The following CADPS2 variants were observed in gnomAD, a reference collection of about 807,000 sequenced individuals.
CADPS2 encodes calcium dependent secretion activator 2.
In CADPS2, 93 loss-of-function variants were observed where a neutral mutation model predicts 172.5. The ratio of observed to expected loss-of-function variants is 0.54; its 90% CI spans 0.46 to 0.64. The LOEUF is 0.64. CADPS2 is among the 30% of genes least tolerant of loss of function. The pLI is 0.00. For synonymous variants in CADPS2, 546 were observed against 555.2 expected (o/e 0.98, Z 0.23); for missense variants, 1,420 against 1,565.9 (o/e 0.91, Z 1.57).
At chr7:122,414,147 A>C in intron 18 of CADPS2, 71 bp from the exon 19 acceptor site, 1 of 1,182,614 alleles carries the variant, frequency 8.5e-7, no homozygotes. Flanking sequence ...AACATCTTTA[A>C]AAAAGGTCAT....
chr7:122,400,660 A>G (rs1381662256), intron 20 of CADPS2, among the ~76,000 whole-genome samples: 1 of 152,096 alleles, frequency 6.6e-6, no homozygotes, highest in Non-Finnish European at 1.5e-5. Flanking sequence ...TTTGGCCCTT[A>G]TTTCATCATT....
intron 8 of CADPS2, among the ~76,000 whole-genome samples, chr7:122,551,774 T>C (rs1444294635): frequency 1.1e-4 from 16 of 152,144 alleles, no homozygotes; most frequent in Admixed American, 1.0e-3. Flanking sequence ...TTATTGATTA[T>C]AGGAGAAATG....
At chr7:122,373,919 T>G (rs2042054093) in intron 25 of CADPS2, among the ~76,000 whole-genome samples, 1 of 152,066 alleles carries the variant, frequency 6.6e-6, no homozygotes, top group Non-Finnish European at 1.5e-5. Flanking sequence ...GAGGCCAGCA[T>G]CACCCTGATA....
chr7:122,756,752 T>C (rs893224387), intron 1 of CADPS2, among the ~76,000 whole-genome samples: 2 of 151,962 alleles, frequency 1.3e-5, no homozygotes, highest in Non-Finnish European at 2.9e-5. Flanking sequence ...TACAAAAAGT[T>C]AGCCAGGCAT....
At chr7:122,361,139 G>A (rs2040068457) in intron 25 of CADPS2, 126 bp from the exon 26 acceptor site, 1 of 706,824 alleles carries the variant, frequency 1.4e-6, no homozygotes, top group Non-Finnish European at 2.4e-6. Flanking sequence ...TGACAGCTGA[G>A]GTCAGACTAA....
At chr7:122,364,726 C>CAAA (rs376223248) in intron 25 of CADPS2, among the ~76,000 whole-genome samples, 5 of 137,290 alleles carry the variant, frequency 3.6e-5, no homozygotes, top group Non-Finnish European at 3.2e-5. Flanking sequence ...GACTCCATCT[C>CAAA]AAAAAAAAAA....
chr7:122,609,871 G>C (rs1427250732), intron 6 of CADPS2, among the ~76,000 whole-genome samples: 1 of 152,146 alleles, frequency 6.6e-6, no homozygotes, highest in Non-Finnish European at 1.5e-5. Flanking sequence ...ACGTGTCTGA[G>C]ACATAATCCA....
chr7:122,523,340 A>C (rs2060959927), intron 8 of CADPS2, among the ~76,000 whole-genome samples: 1 of 152,182 alleles, frequency 6.6e-6, no homozygotes, highest in Admixed American at 6.6e-5. Flanking sequence ...TGTAGTTTTC[A>C]ATAAATATAA....
At chr7:122,559,131 T>G (rs2065396045) in intron 7 of CADPS2, among the ~76,000 whole-genome samples, 2 of 152,148 alleles carry the variant, frequency 1.3e-5, no homozygotes, top group South Asian at 4.1e-4. Flanking sequence ...GAAAAAATCA[T>G]GACAGCTTTC....
chr7:122,664,327 C>A, intron 2 of CADPS2, among the ~76,000 whole-genome samples: 1 of 152,116 alleles, frequency 6.6e-6, no homozygotes, highest in East Asian at 1.9e-4. Flanking sequence ...ACCTCTGCAA[C>A]TTCTCACACA....
intron 14 of CADPS2, among the ~76,000 whole-genome samples, chr7:122,459,212 AAAT>A (rs968512720): frequency 1.3e-4 from 20 of 151,972 alleles, no homozygotes; most frequent in African/African-American, 4.6e-4. Context: ...ATTTATAATG[AAAT>A]AATTATATTT....
chr7:122,758,702 A>G (rs1428018392), intron 1 of CADPS2, among the ~76,000 whole-genome samples: 2 of 152,166 alleles, frequency 1.3e-5, no homozygotes, highest in Non-Finnish European at 2.9e-5. Flanking sequence ...CCTTTCCCTA[A>G]GCAGTCCTCA....
At chr7:122,834,889 A>G (rs1807845991) in intron 1 of CADPS2, among the ~76,000 whole-genome samples, 1 of 152,136 alleles carries the variant, frequency 6.6e-6, no homozygotes, top group Admixed American at 6.5e-5. Flanking sequence ...GGCAGCAGAA[A>G]CCTCTGCACA....
chr7:122,456,334 TA>T, intron 14 of CADPS2, among the ~76,000 whole-genome samples: 1 of 152,130 alleles, frequency 6.6e-6, no homozygotes, highest in South Asian at 2.1e-4. Context: ...GACTTAACTC[TA>T]TGACGATAAT....
intron 3 of CADPS2, among the ~76,000 whole-genome samples, chr7:122,661,847 A>C (rs1421568476): frequency 6.6e-6 from 1 of 152,230 alleles, no homozygotes; most frequent in East Asian, 1.9e-4. Context: ...TATGTTAATC[A>C]ACATTTATTT....
chr7:122,634,524 T>C (rs146544447), intron 3 of CADPS2, among the ~76,000 whole-genome samples: 43 of 152,300 alleles, frequency 2.8e-4, no homozygotes, highest in African/African-American at 8.9e-4. Context: ...TGTAAATCCA[T>C]CTTTGTCATT....
At chr7:122,832,780 T>C (rs1026595535) in intron 1 of CADPS2, among the ~76,000 whole-genome samples, 3 of 152,200 alleles carry the variant, frequency 2.0e-5, no homozygotes, top group African/African-American at 7.2e-5. Flanking sequence ...ATATGGGAAC[T>C]GCCATAAGAT....
intron 28 of CADPS2, among the ~76,000 whole-genome samples, chr7:122,340,024 T>G (rs2036531538): frequency 6.6e-6 from 1 of 152,226 alleles, no homozygotes; most frequent in Admixed American, 6.5e-5. Context: ...TCTTTTTATC[T>G]TACATTAATA....
intron 6 of CADPS2, among the ~76,000 whole-genome samples, chr7:122,590,960 G>T (rs1010388044): frequency 5.9e-5 from 9 of 151,476 alleles, no homozygotes; most frequent in Non-Finnish European, 1.2e-4. Context: ...GTTTAAATTG[G>T]GTGATCAATA....
Sources: allele counts gnomAD v4.1 joint callset (sites outside exome capture counted in the v4.1 genomes callset), GRCh38; gene constraint gnomAD v4.1.1; transcripts MANE v1.5; gene names NCBI Gene and HGNC (gene_info 2026-07-23, HGNC 2026-07-21).